The following CEP89 variants were observed in gnomAD, a reference collection of about 807,000 sequenced individuals.
CEP89 encodes centrosomal protein of 89 kDa.
Under a neutral mutation model 97.6 loss-of-function variants are expected in CEP89, and 95 were observed. The ratio of observed to expected loss-of-function variants is 0.97; its 90% confidence interval spans 0.82 to 1.15. The LOEUF (loss-of-function observed/expected upper bound fraction) is 1.15. Among genes scored for constraint, CEP89 ranks in the 50% most tolerant of loss-of-function variants. CEP89 has a pLI of 0.00. For synonymous variants in CEP89, 354 were observed against 349.1 expected (o/e 1.01, Z -0.16); for missense variants, 869 against 947.7 (o/e 0.92, Z 1.09).
chr19:32,939,202 G>A (rs975652118), intron 6 of CEP89, among the ~76,000 whole-genome samples: 1 of 152,114 alleles, frequency 6.6e-6, no homozygotes, highest in African/African-American at 2.4e-5. Flanking sequence ...AGTGAGCTAT[G>A]ATCACACCAC....
intron 18 of CEP89, 133 bp from the exon 19 acceptor site, chr19:32,879,511 A>G (rs1276357118): frequency 2.8e-6 from 2 of 709,356 alleles, no homozygotes; most frequent in Admixed American, 5.1e-5. Context: ...TGGGTTCTGA[A>G]GCAAGCGCTC....
intron 17 of CEP89, among the ~76,000 whole-genome samples, chr19:32,883,157 C>T (rs907904091): frequency 3.3e-5 from 5 of 151,862 alleles, no homozygotes; most frequent in Non-Finnish European, 5.9e-5. Context: ...ACACCGCGCC[C>T]GGCCGAGCAT....
At position 32,878,305 on chromosome 19, in the gene CEP89, T is replaced by G. The variant is rs1969206402; in HGVS notation, c.*857A>C. On this transcript the variant is annotated 3_prime_UTR_variant, in exon 19 of 19. Transcript: ENST00000305768. The stretch of plus-strand genomic sequence containing the variant: ...AGAATAAAGTACTTGCTCAGGAGGA[T>G]AGAGAAGGGCTAGGGGAGAGGGCAG... 1 of 152,220 alleles carries G rather than the reference T, an allele frequency of 6.6e-6. No homozygotes were observed. The highest frequency in any genetic ancestry group is 2.4e-5 in the African/African-American group (1 of 41,408). The allele number at this position is 152,220 out of a possible 1,614,324, so 9.4% of individuals were successfully genotyped here.
intron 2 of CEP89, among the ~76,000 whole-genome samples, chr19:32,962,878 A>G (rs1397611599): frequency 6.6e-6 from 1 of 152,166 alleles, no homozygotes; most frequent in East Asian, 1.9e-4. Flanking sequence ...CCAACTGAAC[A>G]TGATCCTGAG....
intron 15 of CEP89, among the ~76,000 whole-genome samples, 195 bp from the exon 16 acceptor site, chr19:32,900,193 C>T (rs2145886802): frequency 1.3e-5 from 2 of 151,826 alleles, no homozygotes; most frequent in Admixed American, 1.3e-4. Flanking sequence ...TAATTAGTGA[C>T]CCCAACTCAA....
chr19:32,964,932 C>T (rs1971249584), intron 2 of CEP89, among the ~76,000 whole-genome samples: 2 of 152,182 alleles, frequency 1.3e-5, no homozygotes, highest in African/African-American at 4.8e-5. Context: ...TCACTCACAA[C>T]AGCCTCACTG....
chr19:32,895,515 C>T (rs1451212944), intron 16 of CEP89, among the ~76,000 whole-genome samples: 3 of 152,032 alleles, frequency 2.0e-5, no homozygotes, highest in African/African-American at 4.8e-5. Context: ...AACATCATAC[C>T]GAGTAGGGGA....
chr19:32,961,414 CAA>C (rs5827831), intron 2 of CEP89, among the ~76,000 whole-genome samples: 3 of 133,942 alleles, frequency 2.2e-5, no homozygotes, highest in Admixed American at 7.4e-5. Flanking sequence ...ACCAAAAATA[CAA>C]AAAAAAAAAA....
intron 2 of CEP89, chr19:32,966,056 C>A (rs1971276447): frequency 1.5e-5 from 4 of 261,966 alleles, no homozygotes; most frequent in Non-Finnish European, 2.9e-5. Context: ...GTGTATAATT[C>A]AAAATTCCCT....
chr19:32,921,478 C>A (rs1430461227), intron 12 of CEP89, among the ~76,000 whole-genome samples: 1 of 152,244 alleles, frequency 6.6e-6, no homozygotes, highest in African/African-American at 2.4e-5. Flanking sequence ...TGGGCCATCA[C>A]ACTGGAGCAA....
At position 32,913,208 on chromosome 19, in the gene CEP89, AC is replaced by A. The variant is rs1174536296; in HGVS notation, c.1565+2128del. On this transcript the variant is annotated intron_variant, in intron 14 of 18. Coordinates refer to ENST00000305768, the MANE Select transcript of CEP89 (RefSeq NM_032816.5). ...TTTCCTATACATAATTATCATATAT[AC>A]CATATGTATATATACCATATCTCTC... Among the ~76,000 whole-genome samples the A allele has an allele frequency of 4.0e-5, 6 of 149,734 alleles. No individual in the cohort carries two copies. The East Asian group carries it at 7.8e-4, about 19-fold the overall frequency.
rs191528040 is a variant in CEP89, at chr19:32,880,329, G to A, written c.2136-951C>T. Among the ~76,000 whole-genome samples the A allele has an allele frequency of 3.5e-3, 528 of 151,876 alleles. 1 individual carries two copies. The highest frequency in any genetic ancestry group is 0.012 in the African/African-American group (491 of 41,556). Reference sequence around the variant, plus strand: ...ACTGAAGTTCAGGGAGGCCAGTGATGTGCCCACTTGGCCAGAGTCACTTTT... The same window carrying A: ...ACTGAAGTTCAGGGAGGCCAGTGATATGCCCACTTGGCCAGAGTCACTTTT... On this transcript the variant is annotated intron_variant, in intron 18 of 18. Coordinates refer to ENST00000305768, the MANE Select transcript of CEP89 (RefSeq NM_032816.5).
intron 12 of CEP89, 104 bp downstream of exon 12, chr19:32,923,335 A>T: frequency 5.2e-6 from 3 of 573,146 alleles, no homozygotes; most frequent in Non-Finnish European, 9.3e-6. Context: ...CCCGTAAAAT[A>T]TTTTAGTTAA....
rs867187391 is a variant in CEP89 at position 32,932,405 on chromosome 19, C to G, written c.887-834G>C. On this transcript the variant is annotated intron_variant, in intron 8 of 18. Coordinates refer to ENST00000305768, the MANE Select transcript of CEP89 (RefSeq NM_032816.5). Reference sequence around the variant, plus strand: ...AAAACTGACACCACCTTACTTAAAGCTATATTAGTTTTATATAAATAGAAA... The same window carrying G: ...AAAACTGACACCACCTTACTTAAAGGTATATTAGTTTTATATAAATAGAAA... 1.3e-4 allele frequency among the ~76,000 whole-genome samples: 19 copies of G among 151,904 alleles called. No homozygotes were observed. In the Middle Eastern group the frequency reaches 0.014, roughly 110 times the overall value.
At chr19:32,879,995 G>A (rs988487293) in intron 18 of CEP89, among the ~76,000 whole-genome samples, 26 of 152,250 alleles carry the variant, frequency 1.7e-4, no homozygotes, top group African/African-American at 6.3e-4. Flanking sequence ...CCGGGATGGG[G>A]AGGCCCTGAG....
intron 1 of CEP89, 48 bp downstream of exon 1, chr19:32,971,788 T>C: frequency 6.5e-7 from 1 of 1,546,572 alleles, no homozygotes; most frequent in Non-Finnish European, 8.8e-7. Flanking sequence ...TTACCCCTAA[T>C]TCCCGGCCCC....
chr19:32,883,421 A>T (rs1194315872), intron 17 of CEP89, among the ~76,000 whole-genome samples: 1 of 152,064 alleles, frequency 6.6e-6, no homozygotes. Context: ...TGGAAAGTTG[A>T]GGCGGGCAGA....
At chr19:32,906,365 A>C (rs1184855379) in intron 14 of CEP89, among the ~76,000 whole-genome samples, 1 of 152,182 alleles carries the variant, frequency 6.6e-6, no homozygotes, top group Non-Finnish European at 1.5e-5. Context: ...TTCATCATGC[A>C]TATTTTCAAA....
At chr19:32,934,483 T>C (rs1485197700) in intron 7 of CEP89, among the ~76,000 whole-genome samples, 3 of 152,120 alleles carry the variant, frequency 2.0e-5, no homozygotes, top group Admixed American at 6.5e-5. Flanking sequence ...CCATGGGCCC[T>C]GGCCAGCGCA....
Sources: allele counts gnomAD v4.1 joint callset (sites outside exome capture counted in the v4.1 genomes callset), GRCh38; gene constraint gnomAD v4.1.1; transcripts MANE v1.5; gene names NCBI Gene and HGNC (gene_info 2026-07-23, HGNC 2026-07-21).